GDPD1: variants seen among roughly 807,000 people sequenced by gnomAD.
GDPD1 encodes lysophospholipase D GDPD1.
A neutral mutation model predicts 45.1 loss-of-function variants in GDPD1; 28 were observed. The ratio of observed to expected loss-of-function variants is 0.62; its 90% CI spans 0.46 to 0.85. The LOEUF (loss-of-function observed/expected upper bound fraction) is 0.85, where lower values mean the gene tolerates loss of function less well. Ranked by LOEUF, GDPD1 falls within the 40% of genes least tolerant of loss-of-function variation. The pLI is 0.00. For missense variants in GDPD1, 256 were observed against 364.8 expected (o/e 0.70, Z 2.43); for synonymous variants, 139 against 131.4 (o/e 1.06, Z -0.40).
intron 1 of GDPD1, among the ~76,000 whole-genome samples, chr17:59,223,638 C>T (rs904312545): frequency 6.6e-5 from 10 of 152,294 alleles, no homozygotes; most frequent in African/African-American, 2.2e-4. Context: ...AGTAAGGAAA[C>T]AGTGATATTT....
intron 4 of GDPD1, among the ~76,000 whole-genome samples, chr17:59,252,661 G>A (rs2047264080): frequency 6.6e-6 from 1 of 151,932 alleles, no homozygotes; most frequent in South Asian, 2.1e-4. Flanking sequence ...TCGTGCCACT[G>A]CACTCCAGCC....
At chr17:59,254,685 G>C (rs1281651911) in intron 4 of GDPD1, among the ~76,000 whole-genome samples, 4 of 152,100 alleles carry the variant, frequency 2.6e-5, no homozygotes, top group Non-Finnish European at 5.9e-5. Context: ...GAATATATTG[G>C]TTTTCATAAT....
At chr17:59,222,505 CTTTTTTTTTTTTT>C (rs149536097) in intron 1 of GDPD1, among the ~76,000 whole-genome samples, 3 of 41,754 alleles carry the variant, frequency 7.2e-5, no homozygotes, top group South Asian at 8.3e-4. Flanking sequence ...AGTGCCCAGC[CTTTTTTTTTTTTT>C]TTTTTTTTTT....
intron 3 of GDPD1, 152 bp downstream of exon 3, chr17:59,245,701 G>C: frequency 1.7e-6 from 1 of 591,800 alleles, no homozygotes; most frequent in Non-Finnish European, 2.8e-6. Flanking sequence ...AAACTACTTT[G>C]AGGCCAACTG....
chr17:59,255,810 T>TATATAC (rs2047298717), intron 4 of GDPD1, among the ~76,000 whole-genome samples: 1 of 85,768 alleles, frequency 1.2e-5, no homozygotes, highest in East Asian at 3.0e-4. Flanking sequence ...TATATATATA[T>TATATAC]ACGCGTATAT....
At chr17:59,262,110 C>T (rs914633366) in intron 6 of GDPD1, among the ~76,000 whole-genome samples, 1 of 150,872 alleles carries the variant, frequency 6.6e-6, no homozygotes. Context: ...TTAGTAGAGA[C>T]GGGGTTTCAC....
In GDPD1 at chr17:59,255,872, T is replaced by TAC. The variant is rs1187281223; in HGVS notation, c.368-1249_368-1248insCA. 1.4e-4 allele frequency among the ~76,000 whole-genome samples: 7 copies of TAC among 48,532 alleles called. 1 individual carries two copies. Among genetic ancestry groups the TAC allele is most frequent in the Non-Finnish European group, 2.0e-4 (6 of 29,414 alleles). 31.8% of individuals were successfully genotyped at this position (48,532 alleles called of 152,430 possible). On this transcript the variant is annotated intron_variant, in intron 4 of 9. Coordinates refer to ENST00000284116, the MANE Select transcript of GDPD1 (RefSeq NM_182569.4). ...ATATACACACGTATATATATATATA[T>TAC]ATACACACACACACACACACATATA...
chr17:59,256,034 A>G (rs2047306716), intron 4 of GDPD1, among the ~76,000 whole-genome samples: 1 of 149,876 alleles, frequency 6.7e-6, no homozygotes, highest in African/African-American at 2.5e-5. Context: ...AACAACAAAA[A>G]AGGGACCGGG....
chr17:59,234,387 C>A (rs6503908), intron 1 of GDPD1, 105 bp from the exon 2 acceptor site: 311,569 of 562,416 alleles, frequency 0.55, 63,536 homozygotes, highest in African/African-American at 0.84. Flanking sequence ...TGTCTACCCC[C>A]AAAAAAAAAA....
At chr17:59,260,313 G>T (rs377618356) in intron 6 of GDPD1, among the ~76,000 whole-genome samples, 5 of 151,614 alleles carry the variant, frequency 3.3e-5, no homozygotes, top group African/African-American at 4.8e-5. Context: ...AGGCTGAGGC[G>T]GGTGGATCAC....
At chr17:59,244,442 C>T (rs1057193594) in intron 2 of GDPD1, among the ~76,000 whole-genome samples, 12 of 152,230 alleles carry the variant, frequency 7.9e-5, no homozygotes, top group African/African-American at 2.6e-4. Flanking sequence ...GTGATCTACC[C>T]GCCTTGGCCT....
intron 2 of GDPD1, among the ~76,000 whole-genome samples, chr17:59,244,484 C>T (rs550248734): frequency 2.8e-4 from 43 of 152,270 alleles, no homozygotes; most frequent in Non-Finnish European, 5.3e-4. Flanking sequence ...GCCTGAGCCA[C>T]CACACCTGGC....
intron 7 of GDPD1, among the ~76,000 whole-genome samples, chr17:59,269,335 G>T (rs1208896396): frequency 6.6e-6 from 1 of 151,892 alleles, no homozygotes. Context: ...GTACTCTTGT[G>T]CTCAACTTCT....
intron 7 of GDPD1, among the ~76,000 whole-genome samples, chr17:59,268,944 C>G (rs928844272): frequency 1.3e-5 from 2 of 150,398 alleles, no homozygotes; most frequent in Admixed American, 1.3e-4. Flanking sequence ...GAGCCAAGAT[C>G]GCGCCACTGC....
At chr17:59,268,311 T>A (rs2047413796) in intron 7 of GDPD1, among the ~76,000 whole-genome samples, 1 of 151,590 alleles carries the variant, frequency 6.6e-6, no homozygotes, top group Non-Finnish European at 1.5e-5. Context: ...GCGCGGTGGC[T>A]CACGCCTGTA....
chr17:59,252,872 C>T (rs893124599), intron 4 of GDPD1, among the ~76,000 whole-genome samples: 10 of 151,268 alleles, frequency 6.6e-5, no homozygotes, highest in South Asian at 2.1e-4. Flanking sequence ...TGGTGGCGTG[C>T]GCCTGTTATA....
intron 1 of GDPD1, among the ~76,000 whole-genome samples, chr17:59,229,886 A>G (rs115128500): frequency 0.024 from 3,632 of 152,258 alleles, 149 homozygotes; most frequent in African/African-American, 0.083. Context: ...GCACATGTTC[A>G]GACTGATCAC....
At chr17:59,242,614 T>C (rs966714753) in intron 2 of GDPD1, among the ~76,000 whole-genome samples, 2 of 152,214 alleles carry the variant, frequency 1.3e-5, no homozygotes, top group African/African-American at 2.4e-5. Context: ...TAAAATCATA[T>C]GATTGATGCA....
In GDPD1 at chr17:59,228,881, G is replaced by GA. The variant is rs879369332; in HGVS notation, c.143-5597dup. Among the ~76,000 whole-genome samples the GA allele has an allele frequency of 6.3e-3, 830 of 131,646 alleles. 8 individuals carry two copies. The highest frequency in any genetic ancestry group is 0.017 in the East Asian group (76 of 4,550). The allele number at this position is 131,646 out of a possible 152,430, so 86.4% of individuals were successfully genotyped here. A position where few individuals can be genotyped will look rare whatever the true frequency, so the allele number is the denominator to read the frequency against. ...GGCAACAGAGTGAGACCCTGTCTCA[G>GA]AAAAAAAAAAAAAATCAGTTTAGGT... is the stretch of plus-strand genomic sequence containing the variant. On this transcript the variant is annotated intron_variant, in intron 1 of 9. Transcript: ENST00000284116.
Sources: allele counts gnomAD v4.1 joint callset (sites outside exome capture counted in the v4.1 genomes callset), GRCh38; gene constraint gnomAD v4.1.1; transcripts MANE v1.5; gene names NCBI Gene and HGNC (gene_info 2026-07-23, HGNC 2026-07-21).